SPAG16: variants seen among roughly 807,000 people sequenced by gnomAD.
The protein encoded by SPAG16 is sperm-associated antigen 16 protein.
Under a neutral mutation model 80.4 loss-of-function variants are expected in SPAG16, and 86 were observed. The ratio of observed to expected loss-of-function variants is 1.07; its 90% confidence interval spans 0.90 to 1.28. The LOEUF (loss-of-function observed/expected upper bound fraction) is 1.28. SPAG16 is among the 50% of genes most tolerant of loss of function. The pLI is 0.00. For missense variants in SPAG16, 870 were observed against 765.3 expected (o/e 1.14, Z -1.61); for synonymous variants, 294 against 265.9 (o/e 1.11, Z -1.03).
intron 10 of SPAG16, among the ~76,000 whole-genome samples, chr2:213,544,055 C>T: frequency 6.6e-6 from 1 of 151,640 alleles, no homozygotes; most frequent in Non-Finnish European, 1.5e-5. Flanking sequence ...CTTGTCTTCT[C>T]TTTCAGGAAT....
At chr2:213,990,257 T>A (rs1344338616) in intron 12 of SPAG16, among the ~76,000 whole-genome samples, 1 of 152,166 alleles carries the variant, frequency 6.6e-6, no homozygotes. Context: ...GGTGCTAAAC[T>A]TCCCTTAGCT....
At chr2:214,056,869 G>A (rs2049971880) in intron 13 of SPAG16, among the ~76,000 whole-genome samples, 4 of 152,164 alleles carry the variant, frequency 2.6e-5, no homozygotes, top group Non-Finnish European at 5.9e-5. Flanking sequence ...TTTCAGCAAT[G>A]TTCACAGCAT....
intron 9 of SPAG16, among the ~76,000 whole-genome samples, chr2:213,463,206 G>A (rs1481841334): frequency 6.6e-6 from 1 of 152,206 alleles, no homozygotes; most frequent in East Asian, 1.9e-4. Context: ...GGTGGAAGAA[G>A]TTTGTAAGCA....
intron 10 of SPAG16, among the ~76,000 whole-genome samples, chr2:213,630,309 G>T (rs751180262): frequency 8.6e-5 from 13 of 151,988 alleles, no homozygotes; most frequent in Non-Finnish European, 1.6e-4. Flanking sequence ...GCTTGAACCT[G>T]GGAGGCAGAG....
At chr2:213,937,280 A>G (rs1039671863) in intron 12 of SPAG16, among the ~76,000 whole-genome samples, 2 of 152,112 alleles carry the variant, frequency 1.3e-5, no homozygotes, top group Non-Finnish European at 2.9e-5. Context: ...AAGAAGAAGT[A>G]TTAAGACTCA....
At chr2:213,354,733 G>T (rs1238143216) in intron 7 of SPAG16, among the ~76,000 whole-genome samples, 1 of 151,920 alleles carries the variant, frequency 6.6e-6, no homozygotes, top group South Asian at 2.1e-4. Flanking sequence ...TTGTAAATTT[G>T]TTGAAGTTAT....
rs2056925934 is a variant in SPAG16 at position 214,172,858 on chromosome 2, T to C, written c.1720+23592T>C. ...GCATTTCTCTGATGGCCAGTGATGG[T>C]GAACATTTTTTCATGTGTTTTTTGG... is the stretch of plus-strand genomic sequence containing the variant. On this transcript the variant is annotated intron_variant, in intron 15 of 15. Transcript: ENST00000331683. 4.6e-5 allele frequency among the ~76,000 whole-genome samples: 7 copies of C among 152,298 alleles called. No homozygotes were observed. In the South Asian group the frequency reaches 1.4e-3, roughly 32 times the overall value.
At chr2:214,205,227 AAAAG>A (rs1214236298) in intron 15 of SPAG16, among the ~76,000 whole-genome samples, 1 of 134,554 alleles carries the variant, frequency 7.4e-6, no homozygotes, top group Admixed American at 7.4e-5. Flanking sequence ...CTGCCAAAAA[AAAAG>A]AAAGAAGAAG....
intron 10 of SPAG16, among the ~76,000 whole-genome samples, chr2:213,614,194 T>A (rs1181874874): frequency 6.6e-6 from 1 of 152,178 alleles, no homozygotes; most frequent in Non-Finnish European, 1.5e-5. Flanking sequence ...TCTGTTTTGC[T>A]AAAACAAAAT....
chr2:213,577,290 A>G (rs1041520241), intron 10 of SPAG16, among the ~76,000 whole-genome samples: 4 of 152,126 alleles, frequency 2.6e-5, no homozygotes, highest in Non-Finnish European at 4.4e-5. Context: ...GCCTGACTTG[A>G]ACATTATTAT....
At chr2:213,363,043 C>G (rs2066074556) in intron 7 of SPAG16, among the ~76,000 whole-genome samples, 1 of 92,802 alleles carries the variant, frequency 1.1e-5, no homozygotes, top group Non-Finnish European at 2.3e-5. Context: ...AGGTGATATT[C>G]TGGATGCGAT....
chr2:214,316,622 C>A (rs1343791104), intron 15 of SPAG16, among the ~76,000 whole-genome samples: 1 of 152,130 alleles, frequency 6.6e-6, no homozygotes, highest in African/African-American at 2.4e-5. Flanking sequence ...AATAAAATAA[C>A]TTTTATAGAA....
intron 15 of SPAG16, among the ~76,000 whole-genome samples, chr2:214,387,811 A>ATGAGAGTTAGTTCTC (rs1361500642): frequency 5.3e-5 from 8 of 152,124 alleles, no homozygotes; most frequent in Non-Finnish European, 1.2e-4. Flanking sequence ...GAACTAACTC[A>ATGAGAGTTAGTTCTC]CTGTCAGGAG....
chr2:214,176,369 C>T (rs1323016907), intron 15 of SPAG16, among the ~76,000 whole-genome samples: 1 of 150,960 alleles, frequency 6.6e-6, no homozygotes, highest in Non-Finnish European at 1.5e-5. Flanking sequence ...ACAGGATATA[C>T]CTGTAGAATA....
chr2:213,794,702 C>G (rs1052677398), intron 10 of SPAG16, among the ~76,000 whole-genome samples: 1 of 152,048 alleles, frequency 6.6e-6, no homozygotes, highest in Non-Finnish European at 1.5e-5. Context: ...TATTTAGTAA[C>G]TTTTACAGCA....
intron 10 of SPAG16, among the ~76,000 whole-genome samples, chr2:213,676,973 T>C (rs563882043): frequency 6.6e-6 from 1 of 151,918 alleles, no homozygotes; most frequent in East Asian, 1.9e-4. Context: ...AGTTCCTCCT[T>C]GTACCTCTGG....
intron 10 of SPAG16, among the ~76,000 whole-genome samples, chr2:213,655,317 C>A (rs1014835369): frequency 5.3e-5 from 8 of 152,148 alleles, no homozygotes; most frequent in African/African-American, 1.9e-4. Flanking sequence ...TTTTAAAAAA[C>A]TCTTTGAGCT....
intron 9 of SPAG16, among the ~76,000 whole-genome samples, chr2:213,481,386 T>G (rs540523651): frequency 4.6e-5 from 7 of 152,322 alleles, no homozygotes; most frequent in Non-Finnish European, 8.8e-5. Flanking sequence ...GTCCAATTCA[T>G]TGACTTTTGT....
rs573848761 is a variant in SPAG16, at chr2:214,222,186, G to T, written c.1720+72920G>T. On this transcript the variant is annotated intron_variant, in intron 15 of 15. Coordinates refer to ENST00000331683, the MANE Select transcript of SPAG16 (RefSeq NM_024532.5). ...GGCTGGAGTGCAGTGGCACAATCTC[G>T]GCTCACTGCAACCCCCGCCTCCTGG... is the stretch of plus-strand genomic sequence containing the variant. Among the ~76,000 whole-genome samples the T allele has an allele frequency of 7.4e-5, 10 of 134,920 alleles. 1 individual carries two copies. Among genetic ancestry groups the T allele is most frequent in the African/African-American group, 2.7e-4 (10 of 37,582 alleles). 88.5% of individuals were successfully genotyped at this position (134,920 alleles called of 152,430 possible).
Sources: gnomAD v4.1 joint callset for allele counts (sites outside exome capture counted in the v4.1 genomes callset) on GRCh38, gnomAD v4.1.1 for gene constraint, MANE v1.5 for transcripts, NCBI Gene and HGNC (gene_info 2026-07-23, HGNC 2026-07-21) for gene names.